XNDC1N: variants seen among roughly 807,000 people sequenced by gnomAD.
XNDC1N encodes protein XNDC1N.
chr11:71,905,215 A>G, the XNDC1N span, among the ~76,000 whole-genome samples: 36 of 151,956 alleles, frequency 2.4e-4, no homozygotes, highest in East Asian at 6.4e-3. Context: ...TACGAATATT[A>G]TCAAAGGGTG....
the XNDC1N span, among the ~76,000 whole-genome samples, chr11:71,919,929 CTTTTTTTTTTTTTTTTTTTTTTTT>C: frequency 2.3e-3 from 61 of 26,628 alleles, no homozygotes; most frequent in African/African-American, 4.5e-3. Context: ...AAGCAGGCCT[CTTTTTTTTTTTTTTTTTTTTTTTT>C]TTTTTTTTTT....
the XNDC1N span, among the ~76,000 whole-genome samples, chr11:71,906,945 TGTGACATAAGGA>T: frequency 6.6e-5 from 10 of 152,112 alleles, no homozygotes; most frequent in Non-Finnish European, 2.9e-5. Context: ...GTACAAACCC[TGTGACATAAGGA>T]GTGACATCCC....
the XNDC1N span, among the ~76,000 whole-genome samples, chr11:71,895,213 T>G: frequency 6.6e-6 from 1 of 152,172 alleles, no homozygotes; most frequent in African/African-American, 2.4e-5. Context: ...TTAATTGTAG[T>G]ATGATTTCTT....
the XNDC1N span, among the ~76,000 whole-genome samples, chr11:71,888,712 G>A: frequency 3.2e-4 from 48 of 152,172 alleles, no homozygotes; most frequent in Non-Finnish European, 6.2e-4. Flanking sequence ...TGACTCTTGG[G>A]CAAAAACTGA....
the XNDC1N span, among the ~76,000 whole-genome samples, chr11:71,887,241 G>A: frequency 4.6e-5 from 7 of 152,336 alleles, no homozygotes; most frequent in African/African-American, 1.2e-4. Context: ...TCGGAGCCAC[G>A]GGGGTTTCAG....
chr11:71,881,252 A>T, the XNDC1N span, among the ~76,000 whole-genome samples: 1 of 152,156 alleles, frequency 6.6e-6, no homozygotes, highest in East Asian at 1.9e-4. Flanking sequence ...TGGCCCTTTT[A>T]TCATTATATG....
chr11:71,921,894 C>T, the XNDC1N span, among the ~76,000 whole-genome samples: 1 of 152,064 alleles, frequency 6.6e-6, no homozygotes, highest in Admixed American at 6.6e-5. Flanking sequence ...GGCATGGTGG[C>T]TCACACCTGT....
the XNDC1N span, among the ~76,000 whole-genome samples, chr11:71,886,331 T>TC: frequency 0.073 from 11,042 of 152,092 alleles, 644 homozygotes; most frequent in African/African-American, 0.16. Context: ...CGGAGAGTCC[T>TC]CAAGCAGCAA....
At chr11:71,870,524 C>A in the XNDC1N span, among the ~76,000 whole-genome samples, 1 of 151,920 alleles carries the variant, frequency 6.6e-6, no homozygotes, top group Non-Finnish European at 1.5e-5. Flanking sequence ...ACAATGCAAG[C>A]AAAAATAGAC....
At chr11:71,900,213 G>A in the XNDC1N span, among the ~76,000 whole-genome samples, 2 of 152,220 alleles carry the variant, frequency 1.3e-5, no homozygotes, top group East Asian at 3.8e-4. Flanking sequence ...TAAAAACTGA[G>A]GGAACTCAGA....
chr11:71,906,402 C>A, the XNDC1N span, among the ~76,000 whole-genome samples: 2 of 151,952 alleles, frequency 1.3e-5, no homozygotes, highest in African/African-American at 4.8e-5. Flanking sequence ...AGTACAATTG[C>A]ACTAGGATAT....
the XNDC1N span, among the ~76,000 whole-genome samples, chr11:71,876,776 G>T: frequency 1.3e-5 from 2 of 152,124 alleles, no homozygotes; most frequent in East Asian, 1.9e-4. Context: ...GCTTTTCCTC[G>T]TGATCAAGAA....
At chr11:71,919,216 AT>A in the XNDC1N span, among the ~76,000 whole-genome samples, 1 of 152,148 alleles carries the variant, frequency 6.6e-6, no homozygotes, top group Non-Finnish European at 1.5e-5. Flanking sequence ...ATTTTTCTCT[AT>A]CCCATTTACC....
At chr11:71,884,528 G>T in the XNDC1N span, 1 of 1,608,550 alleles carries the variant, frequency 6.2e-7, no homozygotes, top group Non-Finnish European at 8.5e-7. Context: ...GCAAACTGAA[G>T]ATCATTCAAA....
At chr11:71,897,329 T>C in the XNDC1N span, among the ~76,000 whole-genome samples, 1 of 152,126 alleles carries the variant, frequency 6.6e-6, no homozygotes, top group African/African-American at 2.4e-5. Flanking sequence ...AAAGCATATA[T>C]CTGAAAAGAG....
chr11:71,893,784 C>G, the XNDC1N span: 1 of 1,101,260 alleles, frequency 9.1e-7, no homozygotes, highest in South Asian at 1.3e-5. Flanking sequence ...CCTTCTTGCT[C>G]CTTTTTGCAT....
the XNDC1N span, chr11:71,893,752 G>T: frequency 8.5e-7 from 1 of 1,171,000 alleles, no homozygotes; most frequent in South Asian, 1.3e-5. Context: ...CATCTCTCAT[G>T]CGGACTGCCT....
the XNDC1N span, chr11:71,917,300 C>T: frequency 4.4e-6 from 3 of 675,432 alleles, no homozygotes; most frequent in Middle Eastern, 2.7e-4. Context: ...AGGCATGAGC[C>T]ACCACGCCTG....
the XNDC1N span, among the ~76,000 whole-genome samples, chr11:71,921,578 G>T: frequency 6.6e-6 from 1 of 152,088 alleles, no homozygotes; most frequent in Non-Finnish European, 1.5e-5. Context: ...TAATCTAAAT[G>T]TCTTCATCCA....
Sources: gnomAD v4.1 joint callset for allele counts (sites outside exome capture counted in the v4.1 genomes callset) on GRCh38, gnomAD v4.1.1 for gene constraint, MANE v1.5 for transcripts, NCBI Gene and HGNC (gene_info 2026-07-23, HGNC 2026-07-21) for gene names.